DAB2IP: variants seen among roughly 807,000 people sequenced by gnomAD.
DAB2IP encodes disabled homolog 2-interacting protein.
A neutral mutation model predicts 107.2 loss-of-function variants in DAB2IP; 28 were observed. The observed-to-expected ratio is 0.26, with a 90% CI of 0.19 to 0.36. The LOEUF (loss-of-function observed/expected upper bound fraction) is 0.36. Among genes scored for constraint, DAB2IP ranks in the 10% least tolerant of loss-of-function variants. The probability of loss-of-function intolerance (pLI) is 1.00; values close to 1 mark genes in which losing one functional copy is unlikely to be tolerated. For synonymous variants in DAB2IP, 755 were observed against 706.4 expected, an observed-to-expected ratio of 1.07 and a Z score of -1.09; for missense variants, 1,400 against 1,644.7, an observed-to-expected ratio of 0.85 and a Z score of 2.57.
At chr9:121,647,461 C>G (rs1832576689), upstream of DAB2IP, among the ~76,000 whole-genome samples, 1 of 152,198 alleles carries the variant, frequency 6.6e-6, no homozygotes, top group Non-Finnish European at 1.5e-5. Context: ...TCCCCTGCAT[C>G]TGGTGCCCCT....
At chr9:121,671,662 C>T (rs1305709488) in intron 1 of DAB2IP, among the ~76,000 whole-genome samples, 2 of 152,184 alleles carry the variant, frequency 1.3e-5, no homozygotes, top group Non-Finnish European at 2.9e-5. Flanking sequence ...GTGGATTACA[C>T]ACCATTTCCT....
chr9:121,763,456 C>T (rs1302946516), intron 6 of DAB2IP, 49 bp from the exon 7 acceptor site: 1 of 1,567,326 alleles, frequency 6.4e-7, no homozygotes, highest in Non-Finnish European at 8.6e-7. Flanking sequence ...TAGGGCCCTC[C>T]ATGCCAGGCC....
rs377320590 is a variant in DAB2IP, at chr9:121,668,907, C to CTTTT, written c.125-9749_125-9746dup. Among the ~76,000 whole-genome samples, 160 of 72,136 alleles carry CTTTT rather than the reference C, an allele frequency of 2.2e-3. 3 individuals carry two copies. Among genetic ancestry groups the CTTTT allele is most frequent in the African/African-American group, 2.5e-3 (41 of 16,640 alleles). 47.3% of individuals were successfully genotyped at this position (72,136 alleles called of 152,430 possible). A position where few individuals can be genotyped will look rare whatever the true frequency, so the allele number is the denominator to read the frequency against. On this transcript the variant is annotated intron_variant, in intron 1 of 15. Transcript: ENST00000408936. ...CTTAAAGGGTCCATAGTAAGCCTTA[C>CTTTT]TTTTTTTTTTTTTTTTTTTTTTTTT...
chr9:121,623,828 C>T (rs1244455192), intron 1 of DAB2IP, among the ~76,000 whole-genome samples: 4 of 152,194 alleles, frequency 2.6e-5, no homozygotes, highest in Non-Finnish European at 5.9e-5. Flanking sequence ...GCTGGGATTA[C>T]AGGCACATGC....
intron 1 of DAB2IP, among the ~76,000 whole-genome samples, chr9:121,652,438 G>C (rs1234781599): frequency 6.6e-6 from 1 of 152,180 alleles, no homozygotes; most frequent in African/African-American, 2.4e-5. Context: ...AGACGGAGGG[G>C]GAGGTGCGAG....
chr9:121,656,709 C>T (rs1270037446), intron 1 of DAB2IP, among the ~76,000 whole-genome samples: 1 of 152,152 alleles, frequency 6.6e-6, no homozygotes, highest in Non-Finnish European at 1.5e-5. Context: ...TGGCAATGAG[C>T]TCAACTCTGA....
At chr9:121,737,301 CTGCA>C in intron 3 of DAB2IP, 1 of 985,470 alleles carries the variant, frequency 1.0e-6, no homozygotes, top group Non-Finnish European at 1.2e-6. Flanking sequence ...ATGTGGTTAC[CTGCA>C]TGGAAGACGG....
intron 2 of DAB2IP, among the ~76,000 whole-genome samples, chr9:121,681,212 C>G (rs974204798): frequency 2.0e-5 from 3 of 152,200 alleles, no homozygotes; most frequent in Non-Finnish European, 4.4e-5. Context: ...GACTCCAGGG[C>G]ATGAGGCACA....
chr9:121,651,869 C>A lies in DAB2IP; in HGVS notation c.94C>A (p.Arg32Ser). Reference sequence around the variant, plus strand: ...GCCCCGGCTGCAGCGACAGAGGAGCCGCTCCCGCAGCCGGACCCGGCCTGC... The same window carrying A: ...GCCCCGGCTGCAGCGACAGAGGAGCAGCTCCCGCAGCCGGACCCGGCCTGC... Residue 32 changes from arginine to serine, a missense_variant, in exon 1 of 16, where the codon CGC (arginine) becomes AGC (serine). Arg to Ser is a moderately radical substitution (Grantham distance 110). This residue lies in a region of DAB2IP where 283 missense variants were observed against 237.0 expected (regional missense o/e 1.19). Coordinates refer to ENST00000408936, the Ensembl canonical transcript of DAB2IP. This position sits in a 1 kb window ranked among gnomAD's most constrained non-coding sequence, Gnocchi z 5.1. The A allele has an allele frequency of 6.9e-7, 1 of 1,447,166 alleles. No individual in the cohort carries two copies. The highest frequency in any genetic ancestry group is 9.1e-7 in the Non-Finnish European group (1 of 1,094,914). The allele number at this position is 1,447,166 out of a possible 1,614,324, so 89.6% of individuals were successfully genotyped here. A position where few individuals can be genotyped will look rare whatever the true frequency, so the allele number is the denominator to read the frequency against.
At chr9:121,676,189 G>C (rs1265898655) in intron 1 of DAB2IP, among the ~76,000 whole-genome samples, 1 of 152,222 alleles carries the variant, frequency 6.6e-6, no homozygotes, top group Non-Finnish European at 1.5e-5. Flanking sequence ...GCTTGGCCAT[G>C]AGCCAAGGCT....
upstream of DAB2IP, among the ~76,000 whole-genome samples, chr9:121,650,301 G>A (rs1832692646): frequency 6.6e-6 from 1 of 152,194 alleles, no homozygotes; most frequent in Non-Finnish European, 1.5e-5. Flanking sequence ...CCCCTGGTCA[G>A]GGAAGGCGCC....
chr9:121,641,984 CTT>C (rs1832332223), intron 1 of DAB2IP, among the ~76,000 whole-genome samples: 1 of 82,998 alleles, frequency 1.2e-5, no homozygotes. Flanking sequence ...TTCTTTCTTT[CTT>C]TCTTTCCTTT....
intron 1 of DAB2IP, among the ~76,000 whole-genome samples, chr9:121,615,216 G>C (rs556024528): frequency 6.6e-6 from 1 of 152,260 alleles, no homozygotes. Context: ...GTTAAGAAAA[G>C]GCTGCTGAAT....
At chr9:121,568,005 T>C (rs957877037) in intron 1 of DAB2IP, among the ~76,000 whole-genome samples, 2 of 144,824 alleles carry the variant, frequency 1.4e-5, no homozygotes, top group Non-Finnish European at 3.0e-5. Context: ...AGGCTGGGCA[T>C]GGGGGGGTGG....
chr9:121,762,022 C>T (rs1354001050), intron 6 of DAB2IP, among the ~76,000 whole-genome samples: 1 of 152,138 alleles, frequency 6.6e-6, no homozygotes, highest in African/African-American at 2.4e-5. Context: ...CAGCCAACCC[C>T]AAAGGCCCTC....
At chr9:121,703,087 C>T (rs1352636830) in intron 3 of DAB2IP, among the ~76,000 whole-genome samples, 1 of 152,102 alleles carries the variant, frequency 6.6e-6, no homozygotes. Flanking sequence ...CTGAAAGTTA[C>T]TAATGGTGGA....
chr9:121,672,683 T>A (rs1282441086), intron 1 of DAB2IP, among the ~76,000 whole-genome samples: 1 of 152,068 alleles, frequency 6.6e-6, no homozygotes, highest in Non-Finnish European at 1.5e-5. Context: ...CACATAGAAG[T>A]CATGCAATGA....
intron 1 of DAB2IP, among the ~76,000 whole-genome samples, chr9:121,616,198 C>G (rs929168131): frequency 2.0e-5 from 3 of 152,122 alleles, no homozygotes; most frequent in African/African-American, 7.2e-5. Context: ...AGGATGCAGG[C>G]GAGGGAGGGG....
chr9:121,697,148 A>T (rs1410810984), intron 2 of DAB2IP, among the ~76,000 whole-genome samples: 3 of 152,132 alleles, frequency 2.0e-5, no homozygotes, highest in Admixed American at 6.5e-5. Flanking sequence ...TGGAGTGGGG[A>T]AGAGGAAGTG....
Sources: allele counts gnomAD v4.1 joint callset (sites outside exome capture counted in the v4.1 genomes callset), GRCh38; gene constraint gnomAD v4.1.1; regional missense constraint gnomAD v4.1.1; non-coding constraint Gnocchi (gnomAD v3.1); transcripts MANE v1.5; gene names NCBI Gene and HGNC (gene_info 2026-07-23, HGNC 2026-07-21).